PAX3: variants seen among roughly 807,000 people sequenced by gnomAD.
PAX3 encodes paired box 3.
Under a neutral mutation model 51.6 loss-of-function variants are expected in PAX3, and 14 were observed. The observed-to-expected ratio is 0.27, with a 90% CI of 0.18 to 0.42. PAX3 has a LOEUF of 0.42. Among genes scored for constraint, PAX3 ranks in the 10% least tolerant of loss-of-function variants. The pLI, the probability that PAX3 is intolerant of heterozygous loss-of-function variation, is 1.00. For missense variants in PAX3, 540 were observed against 642.8 expected (o/e 0.84, Z 1.73); for synonymous variants, 280 against 253.4 (o/e 1.11, Z -1.00).
chr2:222,278,977 G>A (rs1275240440), intron 4 of PAX3, among the ~76,000 whole-genome samples: 1 of 152,144 alleles, frequency 6.6e-6, no homozygotes, highest in Non-Finnish European at 1.5e-5. Flanking sequence ...TTGAGATGGA[G>A]TCTCACTCTG....
intron 4 of PAX3, among the ~76,000 whole-genome samples, chr2:222,277,513 C>T (rs557582434): frequency 6.6e-6 from 1 of 152,194 alleles, no homozygotes; most frequent in East Asian, 1.9e-4. Context: ...AGCCTGAGTG[C>T]CCACTTTGAC....
chr2:222,275,969 A>C (rs1211130490), intron 4 of PAX3, among the ~76,000 whole-genome samples: 2 of 151,834 alleles, frequency 1.3e-5, no homozygotes, highest in Admixed American at 6.6e-5. Flanking sequence ...TTAGGGCGTT[A>C]ATTTAAGATA....
chr2:222,262,619 T>A (rs1458670258), intron 4 of PAX3: 1 of 151,670 alleles, frequency 6.6e-6, no homozygotes, highest in Non-Finnish European at 1.5e-5. Context: ...TTTTTGTAGA[T>A]ACAGACAAAC....
intron 1 of PAX3, 144 bp downstream of exon 1, chr2:222,298,387 C>G: frequency 1.5e-6 from 1 of 669,932 alleles, no homozygotes. Flanking sequence ...GGTCCTCGCC[C>G]CCGACTGGTG....
At chr2:222,261,878 T>C (rs1158916164) in intron 4 of PAX3, among the ~76,000 whole-genome samples, 2 of 152,232 alleles carry the variant, frequency 1.3e-5, no homozygotes, top group Non-Finnish European at 2.9e-5. Flanking sequence ...AAAATAATTT[T>C]GAGTGTTGCT....
intron 5 of PAX3, among the ~76,000 whole-genome samples, chr2:222,231,447 G>A (rs1692590909): frequency 6.6e-6 from 1 of 152,060 alleles, no homozygotes; most frequent in South Asian, 2.1e-4. Context: ...GCACCTCTAA[G>A]AGTTCAAAAG....
intron 7 of PAX3, among the ~76,000 whole-genome samples, chr2:222,206,361 T>C (rs1691509285): frequency 6.6e-6 from 1 of 151,988 alleles, no homozygotes; most frequent in Non-Finnish European, 1.5e-5. Context: ...CAAGGAGAAC[T>C]CTTTCTTTTT....
At chr2:222,280,390 AGGAAAAAG>A (rs1694601509) in intron 4 of PAX3, among the ~76,000 whole-genome samples, 3 of 150,416 alleles carry the variant, frequency 2.0e-5, no homozygotes, top group South Asian at 2.1e-4. Context: ...GAAGGAAGGA[AGGAAAAAG>A]AAAGAAAGAA....
At chr2:222,226,026 C>T (rs1313734047) in intron 5 of PAX3, among the ~76,000 whole-genome samples, 1 of 152,168 alleles carries the variant, frequency 6.6e-6, no homozygotes, top group African/African-American at 2.4e-5. Context: ...TGGTGTCAGC[C>T]TAATTTTGCC....
chr2:222,279,843 G>T (rs982369845), intron 4 of PAX3, among the ~76,000 whole-genome samples: 5 of 152,128 alleles, frequency 3.3e-5, no homozygotes, highest in African/African-American at 7.2e-5. Context: ...GGCTCTCTGT[G>T]TCATTTGTAT....
At chr2:222,205,946 T>C (rs1405910219) in intron 7 of PAX3, among the ~76,000 whole-genome samples, 2 of 152,218 alleles carry the variant, frequency 1.3e-5, no homozygotes, top group African/African-American at 2.4e-5. Flanking sequence ...GGTTATGGAA[T>C]GTCTTCCAGT....
Position 222,210,354 on chromosome 2 carries a change from G to A in PAX3, c.1174-8164C>T, listed in dbSNP as rs1691678020. On this transcript the variant is annotated intron_variant, in intron 7 of 8. Transcript: ENST00000392070. ...GTTTTAGCTACCCTTATCCTTGGCT[G>A]GTGAGAGAGAAGCATCACTGCATAT... Among the ~76,000 whole-genome samples, 3 of 152,124 alleles carry A rather than the reference G, an allele frequency of 2.0e-5. 1 individual carries two copies. Among genetic ancestry groups the A allele is most frequent in the Admixed American group, 2.0e-4 (3 of 15,280 alleles).
intron 4 of PAX3, among the ~76,000 whole-genome samples, chr2:222,246,049 C>G (rs183646220): frequency 1.3e-5 from 2 of 152,028 alleles, no homozygotes; most frequent in African/African-American, 4.8e-5. Flanking sequence ...GAAAATAAAG[C>G]AATAGGTGGT....
chr2:222,298,687 AC>A lies in PAX3; in HGVS notation c.-73del. The A allele has an allele frequency of 4.3e-6, 6 of 1,395,018 alleles. No individual in the cohort carries two copies. In the Admixed American group the frequency reaches 1.2e-4, roughly 27 times the overall value. The allele number at this position is 1,395,018 out of a possible 1,614,324, so 86.4% of individuals were successfully genotyped here. A position where few individuals can be genotyped will look rare whatever the true frequency, so the allele number is the denominator to read the frequency against. Reference sequence around the variant, plus strand: ...CGGAAAGGCGAGTGCGGCGCGGATGACCCTCGGGAACTATCCGGAGCGTGGA... The same window carrying A: ...CGGAAAGGCGAGTGCGGCGCGGATGACCTCGGGAACTATCCGGAGCGTGGA... On this transcript the variant is annotated 5_prime_UTR_variant, in exon 1 of 9. Transcript: ENST00000392070.
At chr2:222,239,161 T>A (rs1365001023) in intron 4 of PAX3, among the ~76,000 whole-genome samples, 1 of 152,182 alleles carries the variant, frequency 6.6e-6, no homozygotes, top group African/African-American at 2.4e-5. Context: ...TTTTGTTGGA[T>A]CCCAAGAAAT....
intron 4 of PAX3, among the ~76,000 whole-genome samples, chr2:222,269,670 AGTC>A (rs1232266240): frequency 6.6e-6 from 1 of 150,830 alleles, no homozygotes; most frequent in Non-Finnish European, 1.5e-5. Context: ...AAAAAAAAAA[AGTC>A]GTACTTAATC....
chr2:222,244,671 C>A (rs970862024), intron 4 of PAX3, among the ~76,000 whole-genome samples: 1 of 151,034 alleles, frequency 6.6e-6, no homozygotes, highest in African/African-American at 2.4e-5. Context: ...TAAGCATGAT[C>A]CAATCTCCCA....
chr2:222,234,663 T>C (rs1692732950), intron 4 of PAX3, among the ~76,000 whole-genome samples: 1 of 152,162 alleles, frequency 6.6e-6, no homozygotes, highest in South Asian at 2.1e-4. Context: ...TCCCAGGTGA[T>C]TGATGCTGAT....
intron 4 of PAX3, among the ~76,000 whole-genome samples, chr2:222,247,784 A>G (rs1285679749): frequency 6.6e-6 from 1 of 151,796 alleles, no homozygotes; most frequent in African/African-American, 2.4e-5. Context: ...CCCAGAGAGG[A>G]AAAAAAAATT....
Sources: gnomAD v4.1 joint callset for allele counts (sites outside exome capture counted in the v4.1 genomes callset) on GRCh38, gnomAD v4.1.1 for gene constraint, MANE v1.5 for transcripts, NCBI Gene and HGNC (gene_info 2026-07-23, HGNC 2026-07-21) for gene names.